Variants in THBS2 observed in about 807,000 individuals in gnomAD.
THBS2 encodes thrombospondin 2, also known as thrombospondin-2.
A neutral mutation model predicts 135.2 loss-of-function variants in THBS2; 47 were observed. The ratio of observed to expected loss-of-function variants is 0.35; its 90% CI spans 0.28 to 0.44. The LOEUF is 0.44. Among genes scored for constraint, THBS2 ranks in the 20% least tolerant of loss-of-function variants. THBS2 has a pLI of 1.00. For synonymous variants in THBS2, 639 were observed against 633.8 expected (o/e 1.01, Z -0.12); for missense variants, 1,288 against 1,603.1 (o/e 0.80, Z 3.36).
intron 1 of THBS2, among the ~76,000 whole-genome samples, chr6:169,251,412 AT>A (rs1780750054): frequency 6.6e-6 from 1 of 152,160 alleles, no homozygotes; most frequent in African/African-American, 2.4e-5. Context: ...CTGCCTCTTT[AT>A]TTTCCTGCAG....
chr6:169,217,103 C>T lies in THBS2; in HGVS notation c.*719G>A, dbSNP rs1779199718. 1 of 152,228 alleles carries T rather than the reference C, an allele frequency of 6.6e-6. No homozygotes were observed. The highest frequency in any genetic ancestry group is 2.4e-5 in the African/African-American group (1 of 41,450). The allele number at this position is 152,228 out of a possible 1,614,324, so 9.4% of individuals were successfully genotyped here. ...TTTGCCAAATCCACATCTGGAACCG[C>T]GTCACACCCATTTGCAAGGATGTTT... On this transcript the variant is annotated 3_prime_UTR_variant, in exon 22 of 22. Coordinates refer to ENST00000617924, the MANE Select transcript of THBS2 (RefSeq NM_003247.5).
chr6:169,229,421 C>CT, intron 14 of THBS2, 151 bp downstream of exon 14: 2 of 598,056 alleles, frequency 3.3e-6, no homozygotes, highest in Admixed American at 2.9e-5. Context: ...AAAGGACTGT[C>CT]TTTATAGTGA....
At chr6:169,242,601 T>G in intron 4 of THBS2, among the ~76,000 whole-genome samples, 1 of 71,410 alleles carries the variant, frequency 1.4e-5, no homozygotes, top group East Asian at 5.0e-4. Flanking sequence ...CCTTCCCACA[T>G]TCCCACCTTC....
In THBS2 at chr6:169,223,624, G is replaced by A. The variant is rs922255113; in HGVS notation, c.2774-149C>T. ...ACTGAGTGCTTTGCAGTGTTTTGTG[G>A]ATTCGTGCTCAACAATCTCCAAAAC... is the stretch of plus-strand genomic sequence containing the variant. On this transcript the variant is annotated intron_variant, in intron 17 of 21. Transcript: ENST00000617924. The A allele has an allele frequency of 4.6e-6, 3 of 656,338 alleles. No homozygotes were observed. The African/African-American group carries it at 5.5e-5, about 12-fold the overall frequency. The allele number at this position is 656,338 out of a possible 1,614,324, so 40.7% of individuals were successfully genotyped here.
intron 17 of THBS2, among the ~76,000 whole-genome samples, chr6:169,224,742 C>T (rs934790757): frequency 4.6e-5 from 7 of 152,214 alleles, no homozygotes; most frequent in African/African-American, 1.2e-4. Flanking sequence ...GCTTCACACT[C>T]GTGCCACTTT....
chr6:169,221,478 G>C lies in THBS2; in HGVS notation c.3323C>G (p.Thr1108Arg), dbSNP rs139601458. Residue 1108 changes from threonine (T) to arginine (R), a missense_variant, in exon 20 of 22, where the codon ACG (threonine) becomes AGG (arginine). Physicochemically the swap from Thr to Arg is moderately conservative, Grantham distance 71. Transcript: ENST00000617924. ...DPRNIGWKDY[T>R]AYRWHLTHRP... ...GTGAGTCAGGTGCCACCTATAGGCCGTGTAGTCCTTCCAGCCAATGTTCCT... is the reference window on the plus strand; with the variant it reads ...GTGAGTCAGGTGCCACCTATAGGCCCTGTAGTCCTTCCAGCCAATGTTCCT... 1.9e-6 allele frequency: 3 copies of C among 1,613,880 alleles called. No homozygotes were observed. In the African/African-American group the frequency reaches 4.0e-5, roughly 22 times the overall value.
intron 6 of THBS2, 57 bp from the exon 7 acceptor site, chr6:169,239,752 A>G (rs1424186881): frequency 2.0e-5 from 27 of 1,365,042 alleles, no homozygotes; most frequent in African/African-American, 5.8e-5. Flanking sequence ...GGACGCTGGT[A>G]CAAGGGCTGA....
intron 2 of THBS2, among the ~76,000 whole-genome samples, chr6:169,250,393 A>G (rs1335433104): frequency 6.6e-6 from 1 of 152,230 alleles, no homozygotes; most frequent in East Asian, 1.9e-4. Context: ...GTAGAAAAGT[A>G]AACACATGGG....
chr6:169,227,493 G>A (rs1015507474), intron 15 of THBS2, among the ~76,000 whole-genome samples: 25 of 152,134 alleles, frequency 1.6e-4, no homozygotes, highest in Non-Finnish European at 2.5e-4. Flanking sequence ...TGGCTTCTTG[G>A]AATTTTTGAA....
At chr6:169,221,584 C>G in intron 19 of THBS2, 57 bp from the exon 20 acceptor site, 1 of 1,493,668 alleles carries the variant, frequency 6.7e-7, no homozygotes. Context: ...TTAACCACAG[C>G]TCTGTAACAC....
intron 1 of THBS2, among the ~76,000 whole-genome samples, chr6:169,251,694 A>G (rs1780757780): frequency 1.3e-5 from 2 of 152,182 alleles, no homozygotes; most frequent in African/African-American, 4.8e-5. Context: ...CTCATTGTTA[A>G]TCCAAGGACT....
chr6:169,228,664 C>G (rs1029791248), intron 14 of THBS2, among the ~76,000 whole-genome samples: 4 of 152,134 alleles, frequency 2.6e-5, no homozygotes, highest in Non-Finnish European at 5.9e-5. Flanking sequence ...TGGCTCACAC[C>G]ATTAATCCCA....
In THBS2 at chr6:169,241,907, T is replaced by A; in HGVS notation, c.746A>T (p.His249Leu). 6.2e-7 allele frequency: 1 copy of A among 1,611,990 alleles called. No individual in the cohort carries two copies. Among genetic ancestry groups the A allele is most frequent in the Non-Finnish European group, 8.5e-7 (1 of 1,179,886 alleles). ...ENTETLRLGP[H>L]VTTEYVGPSS... ...GGGGCCCACGTACTCGGTGGTGACA[T>A]GCGGACCCAGGCGCAGCGTCTCTGT... Residue 249 changes from histidine (H) to leucine (L), a missense_variant, in exon 5 of 22, where the codon CAT becomes CTT. Coordinates refer to ENST00000617924, the MANE Select transcript of THBS2 (RefSeq NM_003247.5). This position sits in a 1 kb window ranked among gnomAD's most constrained non-coding sequence, Gnocchi z 5.5.
At chr6:169,229,844 T>C (rs1353482889) in intron 13 of THBS2, among the ~76,000 whole-genome samples, 165 bp from the exon 14 acceptor site, 1 of 152,206 alleles carries the variant, frequency 6.6e-6, no homozygotes, top group African/African-American at 2.4e-5. Flanking sequence ...CAGAAGCGCA[T>C]GAATTTCTTC....
At position 169,228,185 on chromosome 6, in the gene THBS2, C is replaced by T; in HGVS notation, c.2356G>A (p.Ala786Thr). The T allele has an allele frequency of 6.2e-7, 1 of 1,614,114 alleles. No individual in the cohort carries two copies. The highest frequency in any genetic ancestry group is 8.5e-7 in the Non-Finnish European group (1 of 1,180,034). The change falls in exon 15 of 22, where the codon GCC becomes ACC. Residue 786 changes from alanine to threonine, a missense_variant. Ala to Thr is a moderately conservative substitution (Grantham distance 58, BLOSUM62 0). This residue lies in a region of THBS2 where 874 missense variants were observed against 1,156.1 expected (regional missense o/e 0.76). Coordinates refer to ENST00000617924, the MANE Select transcript of THBS2 (RefSeq NM_003247.5). Reference protein sequence around the residue: ...CDNCPYVHNPAQIDTDNNGEG... With the variant: ...CDNCPYVHNPTQIDTDNNGEG... ...CCATTGTTGTCTGTGTCGATCTGGG[C>T]AGGGTTGTGCACGTAAGGGCAGTTG...
At chr6:169,217,951 T>G (rs771242312) in intron 21 of THBS2, 122 bp from the exon 22 acceptor site, 215 of 755,110 alleles carry the variant, frequency 2.8e-4, no homozygotes, top group East Asian at 1.5e-3. Context: ...ATCTATCATA[T>G]GGATGGATGG....
chr6:169,246,140 C>G, intron 4 of THBS2, 57 bp downstream of exon 4: 2 of 1,455,518 alleles, frequency 1.4e-6, no homozygotes, highest in South Asian at 2.3e-5. Context: ...TACACCATGT[C>G]ACAATAGAAA....
Position 169,229,671 on chromosome 6 carries a change from G to A in THBS2, c.2160C>T (p.Cys720=). The change falls in exon 14 of 22, where the codon TGC becomes TGT. Residue 720 remains cysteine (C), a synonymous_variant. Transcript: ENST00000617924. The part of the protein sequence containing the change: ...NATYHCIKDN[C]PHLPNSGQED... ...CCTGCCCAGAATTTGGCAGATGGGG[G>A]CAGTTATCCTGCAATTGGAGAAGGA... The A allele has an allele frequency of 6.2e-7, 1 of 1,613,486 alleles. No individual in the cohort carries two copies.
Position 169,220,300 on chromosome 6 carries a change from A to T in THBS2, c.3409T>A (p.Ser1137Thr), listed in dbSNP as rs751444708. 6.2e-7 allele frequency: 1 copy of T among 1,613,834 alleles called. No homozygotes were observed. The highest frequency in any genetic ancestry group is 8.5e-7 in the Non-Finnish European group (1 of 1,179,874). ...VHEGKQVMAD[S>T]GPIYDQTYAG... ...TAGGTTTGGTCATAGATAGGTCCTGAGTCTGCCATGACCTGTTTTCCTTCA... is the reference window on the plus strand; with the variant it reads ...TAGGTTTGGTCATAGATAGGTCCTGTGTCTGCCATGACCTGTTTTCCTTCA... The change falls in exon 21 of 22, where the codon TCA (serine) becomes ACA (threonine). Residue 1137 changes from serine to threonine, a missense_variant. Ser to Thr is a moderately conservative substitution (Grantham distance 58). Around this residue, in one of 2 missense-constraint regions of THBS2, gnomAD observed 874 missense variants for 1,156.1 expected, o/e 0.76. Coordinates refer to ENST00000617924, the MANE Select transcript of THBS2 (RefSeq NM_003247.5).
Sources: gnomAD v4.1 joint callset for allele counts (sites outside exome capture counted in the v4.1 genomes callset) on GRCh38, gnomAD v4.1.1 for gene constraint, gnomAD v4.1.1 regional missense constraint, Gnocchi (gnomAD v3.1) non-coding constraint, MANE v1.5 for transcripts, NCBI Gene and HGNC (gene_info 2026-07-23, HGNC 2026-07-21) for gene names.